The following ITIH5 variants were observed in gnomAD, a reference collection of about 807,000 sequenced individuals.
ITIH5 encodes inter-alpha-trypsin inhibitor heavy chain 5.
Under a neutral mutation model 77.5 loss-of-function variants are expected in ITIH5, and 65 were observed. The ratio of observed to expected loss-of-function variants is 0.84; its 90% CI spans 0.69 to 1.03. The LOEUF is 1.03. Among genes scored for constraint, ITIH5 ranks in the 50% least tolerant of loss-of-function variants. ITIH5 has a pLI of 0.00. For missense variants in ITIH5, 1,208 were observed against 1,213.1 expected, an observed-to-expected ratio of 1.00 and a Z score of 0.06; for synonymous variants, 525 against 494.3, an observed-to-expected ratio of 1.06 and a Z score of -0.82.
At position 7,651,395 on chromosome 10, in the gene ITIH5, C is replaced by A. The variant is rs147616970; in HGVS notation, c.135+4236G>T. On this transcript the variant is annotated intron_variant, in intron 2 of 13. Coordinates refer to ENST00000397146, the MANE Select transcript of ITIH5 (RefSeq NM_030569.7). ...GGTCAGGAGTTTAAGACCAGCCTGGCCAACATGGCGAAACCCATCTTTACT... is the reference window on the plus strand; with the variant it reads ...GGTCAGGAGTTTAAGACCAGCCTGGACAACATGGCGAAACCCATCTTTACT... Among the ~76,000 whole-genome samples the A allele has an allele frequency of 6.8e-3, 1,040 of 152,162 alleles. 14 individuals are homozygous for A. Among genetic ancestry groups the A allele is most frequent in the African/African-American group, 0.023 (967 of 41,504 alleles).
intron 10 of ITIH5, among the ~76,000 whole-genome samples, 180 bp from the exon 11 acceptor site, chr10:7,573,375 A>G (rs577068431): frequency 6.6e-6 from 1 of 152,036 alleles, no homozygotes; most frequent in Non-Finnish European, 1.5e-5. Context: ...GCCTCAAAAC[A>G]CACAAGCAGA....
chr10:7,654,804 A>T (rs1834154001), intron 2 of ITIH5, among the ~76,000 whole-genome samples: 1 of 152,168 alleles, frequency 6.6e-6, no homozygotes. Context: ...GCCCCTTCAC[A>T]GTTCTTGACA....
At chr10:7,617,051 C>T in intron 6 of ITIH5, 62 bp downstream of exon 6, 2 of 1,021,540 alleles carry the variant, frequency 2.0e-6, no homozygotes, top group Non-Finnish European at 2.7e-6. Context: ...TTGGGATCCA[C>T]AGTATGAGTC....
Position 7,579,784 on chromosome 10 carries a change from C to T in ITIH5, c.1389G>A (p.Glu463=), listed in dbSNP as rs754986509. The change falls in exon 9 of 14, where the codon GAG becomes GAA. Residue 463 remains glutamate, a synonymous_variant. Transcript: ENST00000397146. ...ENCGLTRRVH[E]EEDAGSQLIG... is the part of the protein sequence containing the mutation. ...TGAGCTGCGAGCCTGCGTCCTCCTC[C>T]TCGTGCACGCGCCGTGTGAGGCCAC... 4.3e-6 allele frequency: 7 copies of T among 1,613,966 alleles called. No individual in the cohort carries two copies. The highest frequency in any genetic ancestry group is 4.0e-5 in the African/African-American group (3 of 74,948).
intron 7 of ITIH5, among the ~76,000 whole-genome samples, chr10:7,613,261 AAAAAAAAAAG>A (rs1833291223): frequency 1.6e-5 from 1 of 64,382 alleles, no homozygotes. Context: ...AAAAAAAAAA[AAAAAAAAAAG>A]AACTTGTAGC....
rs57027352 is a variant in ITIH5, at chr10:7,564,915, G to GTA, written c.2527+1113_2527+1114dup. On this transcript the variant is annotated intron_variant, in intron 13 of 13. Transcript: ENST00000397146. ...ATACATACATATACAGACTGTGTGTGTATATATATATATATACACACACCA... is the reference window on the plus strand; with the variant it reads ...ATACATACATATACAGACTGTGTGTGTATATATATATATATATACACACACCA... Among the ~76,000 whole-genome samples the GTA allele has an allele frequency of 4.2e-3, 601 of 144,706 alleles. 8 individuals carry two copies. Among genetic ancestry groups the GTA allele is most frequent in the African/African-American group, 0.015 (574 of 39,150 alleles). The allele number at this position is 144,706 out of a possible 152,430, so 94.9% of individuals were successfully genotyped here.
Position 7,569,693 on chromosome 10 carries a change from C to G in ITIH5, c.2124G>C (p.Arg708Ser), listed in dbSNP as rs760673521. The change falls in exon 12 of 14, where the codon AGG (arginine) becomes AGC (serine). Residue 708 changes from arginine (R) to serine (S), a missense_variant. Physicochemically the swap from Arg to Ser is moderately radical, Grantham distance 110. Transcript: ENST00000397146. ...NIDGQPGDIL[R>S]LVSDHRDSGV... ...CAGAGTCCCTGTGATCAGAGACCAG[C>G]CTGAGGATGTCCCCGGGCTGCCCAT... is the stretch of plus-strand genomic sequence containing the variant. 6.2e-7 allele frequency: 1 copy of G among 1,611,070 alleles called. No individual in the cohort carries two copies. The highest frequency in any genetic ancestry group is 2.2e-5 in the East Asian group (1 of 44,730).
At chr10:7,634,215 G>T (rs1833761749) in intron 5 of ITIH5, among the ~76,000 whole-genome samples, 1 of 152,052 alleles carries the variant, frequency 6.6e-6, no homozygotes, top group Non-Finnish European at 1.5e-5. Context: ...GAATGTATTG[G>T]CTTGGACCTC....
At chr10:7,613,877 T>C (rs7893357) in intron 7 of ITIH5, among the ~76,000 whole-genome samples, 142,696 of 152,256 alleles carry the variant, frequency 0.94, 66,914 homozygotes, top group East Asian at 1. Flanking sequence ...TCCAGCTTCG[T>C]GCCATTTGGG....
At chr10:7,624,784 TA>T (rs112757694) in intron 5 of ITIH5, among the ~76,000 whole-genome samples, 10,494 of 30,946 alleles carry the variant, frequency 0.34, 1,747 homozygotes, top group East Asian at 0.73. Context: ...AGACTCTGCC[TA>T]AAAAAAAAAA....
intron 1 of ITIH5, among the ~76,000 whole-genome samples, chr10:7,663,175 A>G (rs1834306607): frequency 6.6e-6 from 1 of 152,220 alleles, no homozygotes; most frequent in Non-Finnish European, 1.5e-5. Flanking sequence ...CGGCACACCT[A>G]CACTCCAATC....
intron 7 of ITIH5, among the ~76,000 whole-genome samples, chr10:7,607,955 G>A (rs1447220746): frequency 2.0e-5 from 3 of 152,216 alleles, no homozygotes; most frequent in Admixed American, 2.0e-4. Flanking sequence ...GATATTTCCT[G>A]GGGCCTTGCT....
At chr10:7,569,597 C>G (rs1237140304) in intron 12 of ITIH5, 71 bp downstream of exon 12, 2 of 959,254 alleles carry the variant, frequency 2.1e-6, no homozygotes, top group African/African-American at 3.3e-5. Flanking sequence ...GGACATCCAT[C>G]TGAAGAACAG....
At chr10:7,644,322 CATATCACATATATATCACAT>C (rs1833936318) in intron 2 of ITIH5, among the ~76,000 whole-genome samples, 2 of 147,014 alleles carry the variant, frequency 1.4e-5, no homozygotes, top group African/African-American at 2.5e-5. Context: ...ATATATCATA[CATATCACATATATATCACAT>C]ATATCACATA....
intron 5 of ITIH5, among the ~76,000 whole-genome samples, chr10:7,636,353 A>T (rs912250418): frequency 1.3e-5 from 2 of 152,182 alleles, no homozygotes; most frequent in African/African-American, 4.8e-5. Context: ...TCATTATTTA[A>T]ATTTAGAAAG....
chr10:7,591,859 T>A (rs1564249032), intron 7 of ITIH5, among the ~76,000 whole-genome samples: 1 of 152,176 alleles, frequency 6.6e-6, no homozygotes, highest in Non-Finnish European at 1.5e-5. Context: ...TTCTGTTTTA[T>A]TTATTTATGT....
intron 7 of ITIH5, among the ~76,000 whole-genome samples, chr10:7,615,042 T>C (rs1304643871): frequency 2.6e-5 from 4 of 151,960 alleles, no homozygotes; most frequent in African/African-American, 7.2e-5. Context: ...AGGTCAGGAG[T>C]TCCAGACCAG....
intron 2 of ITIH5, among the ~76,000 whole-genome samples, chr10:7,642,729 G>T (rs1387716239): frequency 6.6e-6 from 1 of 152,198 alleles, no homozygotes; most frequent in Admixed American, 6.5e-5. Flanking sequence ...GTAACTAGAA[G>T]ATGCAAATGT....
chr10:7,589,674 G>A (rs565203360), intron 7 of ITIH5, among the ~76,000 whole-genome samples: 5 of 151,686 alleles, frequency 3.3e-5, no homozygotes, highest in East Asian at 1.9e-4. Flanking sequence ...CCTATCCCCC[G>A]ACACTCTGCT....
Sources: gnomAD v4.1 joint callset for allele counts (sites outside exome capture counted in the v4.1 genomes callset) on GRCh38, gnomAD v4.1.1 for gene constraint, MANE v1.5 for transcripts, NCBI Gene and HGNC (gene_info 2026-07-23, HGNC 2026-07-21) for gene names.